FGFR1OP2: variants seen among roughly 807,000 people sequenced by gnomAD.
FGFR1OP2 encodes the protein fibroblast growth factor receptor 1 oncogene partner 2.
In FGFR1OP2, 17 loss-of-function variants were observed where a neutral mutation model predicts 35.2. That is an observed-to-expected ratio of 0.48 (90% CI 0.33 to 0.73). FGFR1OP2 has a LOEUF of 0.73. Ranked by LOEUF, FGFR1OP2 falls within the 30% of genes least tolerant of loss-of-function variation. FGFR1OP2 has a pLI of 0.02. For missense variants in FGFR1OP2, 251 were observed against 307.3 expected, an observed-to-expected ratio of 0.82 and a Z score of 1.37; for synonymous variants, 105 against 104.6, an observed-to-expected ratio of 1.00 and a Z score of -0.03.
chr12:26,957,886 A>G, intron 4 of FGFR1OP2, 143 bp downstream of exon 4: 1 of 602,780 alleles, frequency 1.7e-6, no homozygotes. Context: ...TTTAATTGAC[A>G]TTTTCTCCTT....
In FGFR1OP2 at chr12:26,954,421, T is replaced by C. The variant is rs921503674; in HGVS notation, c.135+128T>C. ...ATTTTAAAGTAGCTTGACTTGTGTG[T>C]TTCAGGTTTACTTTAATTTTGTCGT... On this transcript the variant is annotated intron_variant, in intron 2 of 6. Coordinates refer to ENST00000229395, the MANE Select transcript of FGFR1OP2 (RefSeq NM_015633.3). 17 of 1,143,370 alleles carry C rather than the reference T, an allele frequency of 1.5e-5. No individual in the cohort carries two copies. In the African/African-American group the frequency reaches 2.7e-4, roughly 18 times the overall value. 70.8% of individuals were successfully genotyped at this position (1,143,370 alleles called of 1,614,324 possible).
At chr12:26,943,285 C>T (rs1938765944) in intron 1 of FGFR1OP2, among the ~76,000 whole-genome samples, 1 of 152,064 alleles carries the variant, frequency 6.6e-6, no homozygotes, top group Non-Finnish European at 1.5e-5. Context: ...TAAACCTTTT[C>T]TGTTTCTATC....
intron 1 of FGFR1OP2, among the ~76,000 whole-genome samples, chr12:26,953,010 C>A (rs1361379877): frequency 1.3e-5 from 2 of 151,864 alleles, no homozygotes; most frequent in African/African-American, 4.8e-5. Flanking sequence ...CACGTGTAAT[C>A]CCAGCGCTTT....
At chr12:26,942,670 A>G (rs1938755711) in intron 1 of FGFR1OP2, among the ~76,000 whole-genome samples, 1 of 152,214 alleles carries the variant, frequency 6.6e-6, no homozygotes, top group African/African-American at 2.4e-5. Context: ...TTTTAAGAGG[A>G]CAGGTTTCAT....
chr12:26,949,200 A>T (rs1035233629), intron 1 of FGFR1OP2, among the ~76,000 whole-genome samples: 7 of 152,012 alleles, frequency 4.6e-5, no homozygotes, highest in Non-Finnish European at 8.8e-5. Flanking sequence ...CAATGGCGCG[A>T]TCTCAGCTCA....
In FGFR1OP2 at chr12:26,939,635, A is replaced by G. The variant is rs762795275; in HGVS notation, c.-15+925A>G. Among the ~76,000 whole-genome samples the G allele has an allele frequency of 4.6e-5, 7 of 152,126 alleles. 1 individual carries two copies. Among genetic ancestry groups the G allele is most frequent in the South Asian group, 2.1e-4 (1 of 4,826 alleles). ...AATCATTGTCTTCTCAGACTCCCCC[A>G]GGTGACATTGATACCGCTGTGCTCC... On this transcript the variant is annotated intron_variant, in intron 1 of 6. Coordinates refer to ENST00000229395, the MANE Select transcript of FGFR1OP2 (RefSeq NM_015633.3).
intron 1 of FGFR1OP2, among the ~76,000 whole-genome samples, chr12:26,950,309 G>A (rs894813916): frequency 3.1e-5 from 4 of 128,086 alleles, no homozygotes; most frequent in South Asian, 2.7e-4. Context: ...TGCAAGCTCC[G>A]CCTCCCGGGT....
At chr12:26,946,193 T>C (rs1367989360) in intron 1 of FGFR1OP2, among the ~76,000 whole-genome samples, 1 of 152,240 alleles carries the variant, frequency 6.6e-6, no homozygotes, top group Non-Finnish European at 1.5e-5. Context: ...TGAAGCTCTT[T>C]AATTATAGTT....
Position 26,956,549 on chromosome 12 carries a change from G to A in FGFR1OP2, c.142G>A (p.Glu48Lys), listed in dbSNP as rs1939022837. 1.3e-6 allele frequency: 2 copies of A among 1,541,728 alleles called. No individual in the cohort carries two copies. The highest frequency in any genetic ancestry group is 1.8e-6 in the Non-Finnish European group (2 of 1,141,092). Residue 48 changes from glutamate to lysine, a missense_variant, in exon 3 of 7, where the codon GAA becomes AAA. Coordinates refer to ENST00000229395, the MANE Select transcript of FGFR1OP2 (RefSeq NM_015633.3). ...TGTTTTTCTCCCCCATTAGTATCAG[G>A]AAGAAATTCAAGAACTTAATGAAGT... ...KRVEAMKQYQ[E>K]EIQELNEVAR...
In FGFR1OP2 at chr12:26,954,145, A is replaced by G; in HGVS notation, c.-14A>G. The G allele has an allele frequency of 6.4e-7, 1 of 1,567,742 alleles. No individual in the cohort carries two copies. Among genetic ancestry groups the G allele is most frequent in the Non-Finnish European group, 8.6e-7 (1 of 1,157,540 alleles). ...GTCTTGATTTTAATTTTAATTATAG[A>G]TATATCTTTAGAAATGAGTTGCACA... On this transcript the variant is annotated splice_region_variant and 5_prime_UTR_variant, in exon 2 of 7. Coordinates refer to ENST00000229395, the MANE Select transcript of FGFR1OP2 (RefSeq NM_015633.3).
rs1042039308 is a variant in FGFR1OP2 at position 26,955,448 on chromosome 12, C to T, written c.136-1095C>T. ...ACCTGATTCCAGAACATTTTCATCA[C>T]CACAAAACCTTACATCCATCAGTGG... On this transcript the variant is annotated intron_variant, in intron 2 of 6. Coordinates refer to ENST00000229395, the MANE Select transcript of FGFR1OP2 (RefSeq NM_015633.3). 2.0e-5 allele frequency among the ~76,000 whole-genome samples: 3 copies of T among 152,282 alleles called. No homozygotes were observed. In the East Asian group the frequency reaches 5.8e-4, roughly 29 times the overall value.
rs191831172 is a variant in FGFR1OP2 at position 26,954,228 on chromosome 12, G to C, written c.70G>C (p.Asp24His). ...TGTTGAAAGATTAAGAGATCATGAC[G>C]ATGCAGCAGAATCTCTGATTGAGCA... ...ALVERLRDHDDAAESLIEQTT... is the reference protein window; with the variant it reads ...ALVERLRDHDHAAESLIEQTT... Residue 24 changes from aspartate to histidine, a missense_variant, in exon 2 of 7, where the codon GAT becomes CAT. Physicochemically the swap from Asp to His is moderately conservative, Grantham distance 81. Transcript: ENST00000229395. 1.2e-6 allele frequency: 2 copies of C among 1,612,438 alleles called. No individual in the cohort carries two copies. The highest frequency in any genetic ancestry group is 1.7e-6 in the Non-Finnish European group (2 of 1,179,076).
At chr12:26,947,782 A>C (rs1352218142) in intron 1 of FGFR1OP2, among the ~76,000 whole-genome samples, 1 of 152,168 alleles carries the variant, frequency 6.6e-6, no homozygotes, top group Non-Finnish European at 1.5e-5. Context: ...ATCTGTCTTA[A>C]TCTTATCTAA....
chr12:26,958,605 C>T (rs1300998131), intron 4 of FGFR1OP2, among the ~76,000 whole-genome samples: 2 of 152,086 alleles, frequency 1.3e-5, no homozygotes, highest in African/African-American at 4.8e-5. Flanking sequence ...TGCTCCCTTG[C>T]CCCAGTATTG....
chr12:26,946,557 G>C (rs1248509701), intron 1 of FGFR1OP2, among the ~76,000 whole-genome samples: 1 of 152,194 alleles, frequency 6.6e-6, no homozygotes, highest in Non-Finnish European at 1.5e-5. Flanking sequence ...TGATCTGCCA[G>C]CCTTGGCCTC....
At chr12:26,955,986 C>A (rs1345993076) in intron 2 of FGFR1OP2, among the ~76,000 whole-genome samples, 1 of 151,958 alleles carries the variant, frequency 6.6e-6, no homozygotes, top group Non-Finnish European at 1.5e-5. Context: ...CGGCCCAGCA[C>A]AAATTCACAA....
chr12:26,960,872 C>A, intron 5 of FGFR1OP2: 1 of 328,490 alleles, frequency 3.0e-6, no homozygotes, highest in Non-Finnish European at 5.1e-6. Context: ...TTATTCAGTC[C>A]AACGCTTTAT....
At chr12:26,939,715 C>A (rs1220580884) in intron 1 of FGFR1OP2, among the ~76,000 whole-genome samples, 1 of 152,192 alleles carries the variant, frequency 6.6e-6, no homozygotes, top group African/African-American at 2.4e-5. Flanking sequence ...TTATTTGTTT[C>A]TGTCTCTCCT....
At chr12:26,942,014 T>C (rs757578890) in intron 1 of FGFR1OP2, among the ~76,000 whole-genome samples, 1 of 152,194 alleles carries the variant, frequency 6.6e-6, no homozygotes, top group Non-Finnish European at 1.5e-5. Context: ...TGCTTTGTGG[T>C]GCTGTCATTC....
Sources: gnomAD v4.1 joint callset for allele counts (sites outside exome capture counted in the v4.1 genomes callset) on GRCh38, gnomAD v4.1.1 for gene constraint, MANE v1.5 for transcripts, NCBI Gene and HGNC (gene_info 2026-07-23, HGNC 2026-07-21) for gene names.